LGR6: variants seen among roughly 807,000 people sequenced by gnomAD.
LGR6 encodes the protein leucine-rich repeat-containing G protein-coupled receptor 6.
LGR6 carries 45 observed loss-of-function variants against 69.4 expected under a neutral mutation model. The ratio of observed to expected loss-of-function variants is 0.65; its 90% CI spans 0.51 to 0.83. The LOEUF (loss-of-function observed/expected upper bound fraction) is 0.83, where lower values mean the gene tolerates loss of function less well. Among genes scored for constraint, LGR6 ranks in the 40% least tolerant of loss-of-function variants. The pLI, the probability that LGR6 is intolerant of heterozygous loss-of-function variation, is 0.00. For missense variants in LGR6, 1,108 were observed against 1,246.7 expected, an observed-to-expected ratio of 0.89 and a Z score of 1.68; for synonymous variants, 538 against 555.0, an observed-to-expected ratio of 0.97 and a Z score of 0.43.
At chr1:202,203,720 C>T (rs1658915938) in intron 1 of LGR6, 6 of 1,262,422 alleles carry the variant, frequency 4.8e-6, no homozygotes, top group Admixed American at 1.8e-5. Flanking sequence ...GCGTAGCAGG[C>T]GGGGCACAGA....
At chr1:202,310,067 C>G in intron 15 of LGR6, 130 bp from the exon 16 acceptor site, 2 of 880,242 alleles carry the variant, frequency 2.3e-6, no homozygotes, top group South Asian at 1.6e-5. Context: ...GCACAGTGAA[C>G]AGGGAACTTG....
intron 6 of LGR6, among the ~76,000 whole-genome samples, chr1:202,291,148 G>A (rs1349851842): frequency 6.6e-6 from 1 of 152,220 alleles, no homozygotes; most frequent in African/African-American, 2.4e-5. Flanking sequence ...ATGAAGGGGT[G>A]TCTTAGCTAT....
intron 1 of LGR6, among the ~76,000 whole-genome samples, chr1:202,204,561 A>C (rs878916696): frequency 1.8e-3 from 54 of 30,772 alleles, no homozygotes; most frequent in African/African-American, 6.8e-3. Flanking sequence ...CACACCTCCA[A>C]ACACAAACAC....
chr1:202,312,940 A>C (rs1445446253), intron 16 of LGR6, among the ~76,000 whole-genome samples: 4 of 152,162 alleles, frequency 2.6e-5, no homozygotes, highest in Non-Finnish European at 5.9e-5. Context: ...AGAAAAAAAA[A>C]GTGTAAGGCC....
intron 4 of LGR6, among the ~76,000 whole-genome samples, chr1:202,255,399 A>G (rs1472484087): frequency 1.3e-5 from 2 of 152,260 alleles, no homozygotes; most frequent in Middle Eastern, 3.4e-3. Flanking sequence ...CTGATTGTAT[A>G]GGAAATCCAG....
In LGR6 at chr1:202,303,155, G is replaced by T. The variant is rs1016662087; in HGVS notation, c.930-124G>T. 6.6e-6 allele frequency: 5 copies of T among 760,438 alleles called. No homozygotes were observed. The African/African-American group carries it at 6.8e-5, about 10-fold the overall frequency. 47.1% of individuals were successfully genotyped at this position (760,438 alleles called of 1,614,324 possible). A position where few individuals can be genotyped will look rare whatever the true frequency, so the allele number is the denominator to read the frequency against. On this transcript the variant is annotated intron_variant, in intron 9 of 17. Coordinates refer to ENST00000367278, the MANE Select transcript of LGR6 (RefSeq NM_001017403.2). ...CTGCGTGGCTGACTTGAGGAAGATT[G>T]CAGGGAAGCATGACATTGCCCCCAA...
intron 1 of LGR6, among the ~76,000 whole-genome samples, chr1:202,217,196 G>C (rs1488681687): frequency 1.3e-5 from 2 of 152,240 alleles, no homozygotes; most frequent in Non-Finnish European, 2.9e-5. Flanking sequence ...GTTGCTGTCA[G>C]ATTAACCCCT....
At chr1:202,227,794 G>GT (rs1660675266) in intron 2 of LGR6, 142 bp from the exon 3 acceptor site, 1 of 645,162 alleles carries the variant, frequency 1.5e-6, no homozygotes, top group Admixed American at 2.5e-5. Flanking sequence ...TGCATGTGAA[G>GT]TATTAAACGC....
At chr1:202,269,874 A>T (rs1571932146) in intron 4 of LGR6, among the ~76,000 whole-genome samples, 1 of 152,210 alleles carries the variant, frequency 6.6e-6, no homozygotes, top group South Asian at 2.1e-4. Flanking sequence ...GGGAGCGGGT[A>T]CTATGGCAAA....
chr1:202,251,651 T>G (rs1263323080), intron 4 of LGR6, among the ~76,000 whole-genome samples: 1 of 152,172 alleles, frequency 6.6e-6, no homozygotes, highest in Non-Finnish European at 1.5e-5. Flanking sequence ...GCTGGGCTCC[T>G]CGGGGAGCCA....
At chr1:202,301,029 G>A in intron 8 of LGR6, 109 bp downstream of exon 8, 1 of 1,291,096 alleles carries the variant, frequency 7.7e-7, no homozygotes, top group African/African-American at 1.5e-5. Context: ...GGAGGCAGAA[G>A]TATGGGAGGG....
intron 1 of LGR6, among the ~76,000 whole-genome samples, chr1:202,200,399 G>A (rs1658798265): frequency 6.6e-6 from 1 of 152,316 alleles, no homozygotes. Context: ...GGGGTTGGGG[G>A]CAGACATGCC....
At chr1:202,294,941 TTGGGGAAGAGCA>T (rs1175626137) in intron 6 of LGR6, among the ~76,000 whole-genome samples, 1 of 152,112 alleles carries the variant, frequency 6.6e-6, no homozygotes, top group African/African-American at 2.4e-5. Flanking sequence ...ATAGAAGTAT[TTGGGGAAGAGCA>T]TGCTAGGCCT....
intron 4 of LGR6, among the ~76,000 whole-genome samples, chr1:202,260,619 A>G (rs1664152609): frequency 6.6e-6 from 1 of 152,192 alleles, no homozygotes; most frequent in Non-Finnish European, 1.5e-5. Flanking sequence ...TGCTCTGCCA[A>G]ATTCCCCATT....
chr1:202,319,119 G>A lies in LGR6; in HGVS notation c.2816G>A (p.Arg939Lys). The change falls in exon 18 of 18, where the codon AGG becomes AAG. Residue 939 changes from arginine to lysine, a missense_variant. Physicochemically the swap from Arg to Lys is conservative, Grantham distance 26 (BLOSUM62 2). Coordinates refer to ENST00000367278, the MANE Select transcript of LGR6 (RefSeq NM_001017403.2). ...QPSMDGELLLRAEGSTPAGGG... is the reference protein window; with the variant it reads ...QPSMDGELLLKAEGSTPAGGG... ...TCCATGGATGGAGAACTGCTGCTGA[G>A]GGCAGAGGGATCTACGCCAGCAGGT... 6.2e-7 allele frequency: 1 copy of A among 1,614,244 alleles called. No homozygotes were observed.
At chr1:202,233,014 C>A (rs990135583) in intron 3 of LGR6, among the ~76,000 whole-genome samples, 2 of 152,158 alleles carry the variant, frequency 1.3e-5, no homozygotes, top group South Asian at 4.1e-4. Flanking sequence ...AGGGCCAAAG[C>A]CGACTGCCAT....
chr1:202,219,099 C>T (rs1038511174), intron 1 of LGR6, among the ~76,000 whole-genome samples: 1 of 152,192 alleles, frequency 6.6e-6, no homozygotes, highest in Non-Finnish European at 1.5e-5. Flanking sequence ...GTGTTCTTTC[C>T]TCTCTACCCC....
intron 6 of LGR6, 99 bp downstream of exon 6, chr1:202,280,951 T>A: frequency 9.2e-7 from 1 of 1,082,622 alleles, no homozygotes; most frequent in Non-Finnish European, 1.4e-6. Flanking sequence ...CCAGCAGTCC[T>A]GGGATGCTGG....
At chr1:202,306,377 TG>T (rs1045172434) in intron 12 of LGR6, among the ~76,000 whole-genome samples, 2 of 152,170 alleles carry the variant, frequency 1.3e-5, no homozygotes, top group African/African-American at 4.8e-5. Flanking sequence ...ATTTTGGGGC[TG>T]GGGCAGGGTA....
Sources: allele counts gnomAD v4.1 joint callset (sites outside exome capture counted in the v4.1 genomes callset), GRCh38; gene constraint gnomAD v4.1.1; transcripts MANE v1.5; gene names NCBI Gene and HGNC (gene_info 2026-07-23, HGNC 2026-07-21).